The following ANO4 variants were observed in gnomAD, a reference collection of about 807,000 sequenced individuals.
ANO4 encodes the protein anoctamin 4.
ANO4 carries 69 observed loss-of-function variants against 141.9 expected under a neutral mutation model. The ratio of observed to expected loss-of-function variants is 0.49; its 90% confidence interval spans 0.40 to 0.59. ANO4 has a LOEUF of 0.59. ANO4 is among the 20% of genes least tolerant of loss of function. The pLI, the probability that ANO4 is intolerant of heterozygous loss-of-function variation, is 0.00. For synonymous variants in ANO4, 350 were observed against 394.3 expected (o/e 0.89, Z 1.33); for missense variants, 894 against 1,162.2 (o/e 0.77, Z 3.36).
At chr12:100,739,266 T>A (rs2031760256) in intron 2 of ANO4, among the ~76,000 whole-genome samples, 1 of 151,968 alleles carries the variant, frequency 6.6e-6, no homozygotes, top group Non-Finnish European at 1.5e-5. Context: ...CATGTTACCT[T>A]CCCCATGTCT....
chr12:100,916,993 A>AAC (rs1233238907), intron 2 of ANO4, among the ~76,000 whole-genome samples: 2 of 152,144 alleles, frequency 1.3e-5, no homozygotes, highest in East Asian at 3.9e-4. Context: ...AAAAAAAAAA[A>AAC]AGCCTAGCTG....
intron 1 of ANO4, among the ~76,000 whole-genome samples, chr12:100,846,754 T>A (rs975798440): frequency 6.6e-6 from 1 of 152,210 alleles, no homozygotes; most frequent in African/African-American, 2.4e-5. Flanking sequence ...CCTTTCTTTA[T>A]ATACTGTCTA....
chr12:100,899,354 C>G (rs1000232743), intron 1 of ANO4, among the ~76,000 whole-genome samples: 1 of 152,172 alleles, frequency 6.6e-6, no homozygotes, highest in Non-Finnish European at 1.5e-5. Context: ...GCCAGGTAGA[C>G]AGGAACACTA....
At chr12:100,970,663 C>CTCCCT (rs2043881220) in intron 5 of ANO4, among the ~76,000 whole-genome samples, 26 of 91,752 alleles carry the variant, frequency 2.8e-4, no homozygotes, top group African/African-American at 1.1e-3. Context: ...CTCCCTCCCT[C>CTCCCT]TCCTTCCTTC....
intron 1 of ANO4, among the ~76,000 whole-genome samples, chr12:100,851,300 A>G (rs1211825275): frequency 6.6e-6 from 1 of 152,158 alleles, no homozygotes; most frequent in Admixed American, 6.5e-5. Flanking sequence ...GAAGTAGAGT[A>G]TTTTAAAAGT....
chr12:100,998,470 A>T (rs1301569109), intron 8 of ANO4, among the ~76,000 whole-genome samples: 2 of 152,024 alleles, frequency 1.3e-5, no homozygotes, highest in African/African-American at 4.8e-5. Context: ...CACCCAAACT[A>T]ATCTAGTTGT....
intron 8 of ANO4, among the ~76,000 whole-genome samples, chr12:100,990,150 T>G (rs964437063): frequency 2.0e-5 from 3 of 151,726 alleles, no homozygotes; most frequent in Non-Finnish European, 4.4e-5. Flanking sequence ...AGGGAGGATA[T>G]ATGAGATATA....
At chr12:100,976,368 T>G (rs2044193477) in intron 7 of ANO4, among the ~76,000 whole-genome samples, 1 of 152,200 alleles carries the variant, frequency 6.6e-6, no homozygotes, top group Non-Finnish European at 1.5e-5. Flanking sequence ...ATGTTGTTTC[T>G]CAAAAATTGC....
chr12:100,851,825 G>A (rs368760228), intron 1 of ANO4, among the ~76,000 whole-genome samples: 4 of 152,158 alleles, frequency 2.6e-5, no homozygotes, highest in East Asian at 1.9e-4. Context: ...ACAAGCCAAC[G>A]TACCTGATGC....
At chr12:100,736,146 G>C (rs541561760) in intron 2 of ANO4, among the ~76,000 whole-genome samples, 1 of 152,116 alleles carries the variant, frequency 6.6e-6, no homozygotes, top group Non-Finnish European at 1.5e-5. Flanking sequence ...AGTGGGTGGC[G>C]GGATGGGAGC....
intron 1 of ANO4, among the ~76,000 whole-genome samples, chr12:100,816,949 T>C (rs1278055494): frequency 2.0e-5 from 3 of 150,316 alleles, no homozygotes; most frequent in African/African-American, 7.3e-5. Flanking sequence ...TTTTATTTTT[T>C]TAAAAAATAG....
chr12:100,937,591 A>G (rs2042337713), intron 3 of ANO4, among the ~76,000 whole-genome samples: 1 of 152,134 alleles, frequency 6.6e-6, no homozygotes, highest in Non-Finnish European at 1.5e-5. Context: ...TTTTCTTTGT[A>G]GCCTTATAGG....
intron 3 of ANO4, among the ~76,000 whole-genome samples, chr12:100,769,159 T>C (rs949770644): frequency 6.6e-6 from 1 of 152,236 alleles, no homozygotes; most frequent in Non-Finnish European, 1.5e-5. Context: ...ATTTTTGAAA[T>C]CATTTTTTGG....
Position 101,042,382 on chromosome 12 carries a change from G to A in ANO4, c.1068G>A (p.Trp356Ter). 1 of 1,614,124 alleles carries A rather than the reference G, an allele frequency of 6.2e-7. No homozygotes were observed. Residue 356 changes from tryptophan to a stop codon, truncating the protein, a stop_gained, in exon 12 of 28, where the codon TGG becomes TGA. Transcript: ENST00000392977. LOFTEE classifies it high-confidence loss of function. ...KIGLYFAWLG[W>*]YTGMLFPAAF... The stretch of plus-strand genomic sequence containing the variant: ...GGTTATATTTTGCCTGGTTGGGCTG[G>A]TACACCGGCATGCTCTTCCCAGCTG...
At chr12:100,857,383 T>A (rs771166883) in intron 1 of ANO4, among the ~76,000 whole-genome samples, 1 of 152,142 alleles carries the variant, frequency 6.6e-6, no homozygotes, top group Non-Finnish European at 1.5e-5. Flanking sequence ...CAACTGATAT[T>A]TATGGAGTAC....
chr12:100,806,315 C>G (rs139260118), intron 1 of ANO4, among the ~76,000 whole-genome samples: 112 of 152,180 alleles, frequency 7.4e-4, no homozygotes, highest in African/African-American at 2.6e-3. Context: ...TGCCTGTTTC[C>G]TCACACCTAT....
intron 3 of ANO4, among the ~76,000 whole-genome samples, chr12:100,769,307 C>T (rs974621160): frequency 5.9e-5 from 9 of 152,044 alleles, no homozygotes; most frequent in African/African-American, 1.2e-4. Flanking sequence ...GAAATTGATC[C>T]GAACTCTTAA....
chr12:100,797,503 G>A (rs2034405550), intron 1 of ANO4, among the ~76,000 whole-genome samples: 1 of 152,146 alleles, frequency 6.6e-6, no homozygotes. Context: ...CTCTTGGTGT[G>A]ATGAAGTCAC....
At chr12:101,125,637 A>C (rs1406489537) in intron 26 of ANO4, among the ~76,000 whole-genome samples, 1 of 152,144 alleles carries the variant, frequency 6.6e-6, no homozygotes, top group South Asian at 2.1e-4. Flanking sequence ...TGAGATAATC[A>C]TGTGGTTTTT....
Sources: gnomAD v4.1 joint callset for allele counts (sites outside exome capture counted in the v4.1 genomes callset) on GRCh38, gnomAD v4.1.1 for gene constraint, MANE v1.5 for transcripts, NCBI Gene and HGNC (gene_info 2026-07-23, HGNC 2026-07-21) for gene names.